The following DOCK1 variants were observed in gnomAD, a reference collection of about 807,000 sequenced individuals.
The protein encoded by DOCK1 is dedicator of cytokinesis protein 1.
Under a neutral mutation model 262.7 loss-of-function variants are expected in DOCK1, and 138 were observed. That is an observed-to-expected ratio of 0.53 (90% CI 0.46 to 0.61). The LOEUF is 0.61. Ranked by LOEUF, DOCK1 falls within the 20% of genes least tolerant of loss-of-function variation. The pLI is 0.00. For missense variants in DOCK1, 1,908 were observed against 2,370.7 expected, an observed-to-expected ratio of 0.80 and a Z score of 4.05; for synonymous variants, 866 against 867.4, an observed-to-expected ratio of 1.00 and a Z score of 0.03.
chr10:126,927,224 C>T (rs1051272014), intron 1 of DOCK1, among the ~76,000 whole-genome samples: 2 of 152,118 alleles, frequency 1.3e-5, no homozygotes, highest in African/African-American at 4.8e-5. Flanking sequence ...AGCAGATTTC[C>T]GTCTCTGATC....
At chr10:127,412,672 A>G (rs2067929796) in intron 43 of DOCK1, among the ~76,000 whole-genome samples, 1 of 152,310 alleles carries the variant, frequency 6.6e-6, no homozygotes, top group Non-Finnish European at 1.5e-5. Context: ...CCTCAAGTAA[A>G]GAGTGGTGGC....
intron 10 of DOCK1, among the ~76,000 whole-genome samples, chr10:127,008,447 T>C (rs916979465): frequency 6.6e-6 from 1 of 152,338 alleles, no homozygotes; most frequent in Admixed American, 6.5e-5. Context: ...TTTTCCATCA[T>C]TACAGAAAGT....
At chr10:127,447,346 G>A (rs1444387885) in intron 50 of DOCK1, 48 bp from the exon 51 acceptor site, 2 of 1,582,336 alleles carry the variant, frequency 1.3e-6, no homozygotes, top group South Asian at 1.2e-5. Flanking sequence ...GAGCATTCAG[G>A]CTCCGTGGGG....
At chr10:127,054,442 CTT>C (rs896201847) in intron 22 of DOCK1, among the ~76,000 whole-genome samples, 24 of 152,282 alleles carry the variant, frequency 1.6e-4, no homozygotes, top group African/African-American at 5.1e-4. Context: ...ATATTACACT[CTT>C]TTATTTTGCT....
At chr10:127,096,790 C>T (rs2047934521) in intron 23 of DOCK1, among the ~76,000 whole-genome samples, 1 of 151,904 alleles carries the variant, frequency 6.6e-6, no homozygotes, top group African/African-American at 2.4e-5. Context: ...GGGACAATTA[C>T]ATTTGCTTAG....
intron 2 of DOCK1, among the ~76,000 whole-genome samples, chr10:126,974,040 C>G (rs2038317391): frequency 6.6e-6 from 1 of 152,118 alleles, no homozygotes; most frequent in Admixed American, 6.6e-5. Flanking sequence ...CAGCATAGAA[C>G]AAAGAAAATG....
At chr10:127,322,216 G>A (rs1228214404) in intron 29 of DOCK1, among the ~76,000 whole-genome samples, 1 of 146,352 alleles carries the variant, frequency 6.8e-6, no homozygotes, top group Non-Finnish European at 1.5e-5. Context: ...TGGAGACAGA[G>A]TCTTACTCTG....
At chr10:127,186,029 A>G (rs1272162936) in intron 27 of DOCK1, among the ~76,000 whole-genome samples, 1 of 152,214 alleles carries the variant, frequency 6.6e-6, no homozygotes, top group African/African-American at 2.4e-5. Flanking sequence ...AAAAATCTCA[A>G]TAGCTTGGAA....
intron 29 of DOCK1, among the ~76,000 whole-genome samples, chr10:127,299,478 T>C (rs919549225): frequency 6.6e-6 from 1 of 152,200 alleles, no homozygotes; most frequent in Non-Finnish European, 1.5e-5. Flanking sequence ...GGAAAAATGC[T>C]GTGTGACCGT....
intron 44 of DOCK1, among the ~76,000 whole-genome samples, chr10:127,416,939 TC>T (rs1270026798): frequency 1.1e-4 from 17 of 151,990 alleles, no homozygotes; most frequent in African/African-American, 3.9e-4. Context: ...CATCACAATC[TC>T]CCCAAGGCTG....
At chr10:127,216,545 G>T (rs1237029754) in intron 27 of DOCK1, among the ~76,000 whole-genome samples, 1 of 152,068 alleles carries the variant, frequency 6.6e-6, no homozygotes, top group African/African-American at 2.4e-5. Flanking sequence ...ATTGGGCTGG[G>T]CAACCTCACC....
chr10:127,370,639 C>A (rs1255131502), intron 33 of DOCK1, among the ~76,000 whole-genome samples: 1 of 152,182 alleles, frequency 6.6e-6, no homozygotes, highest in Non-Finnish European at 1.5e-5. Flanking sequence ...AAATAGGTGC[C>A]AATAGCCTAT....
chr10:126,953,939 A>C (rs1458609331), intron 1 of DOCK1, among the ~76,000 whole-genome samples: 3 of 152,174 alleles, frequency 2.0e-5, no homozygotes, highest in Admixed American at 6.5e-5. Context: ...TGCTCGGTAC[A>C]TTTTTAAAAC....
At chr10:127,441,514 G>A (rs529535887) in intron 49 of DOCK1, among the ~76,000 whole-genome samples, 4 of 152,220 alleles carry the variant, frequency 2.6e-5, no homozygotes, top group Non-Finnish European at 4.4e-5. Context: ...TGTCTACGCA[G>A]AGGGCACCTC....
intron 27 of DOCK1, among the ~76,000 whole-genome samples, chr10:127,203,827 A>G (rs980009993): frequency 4.6e-5 from 7 of 152,084 alleles, no homozygotes; most frequent in Non-Finnish European, 4.4e-5. Context: ...GGGTTCTCAT[A>G]TATTAGTCCA....
intron 27 of DOCK1, among the ~76,000 whole-genome samples, chr10:127,246,641 TATC>T (rs1313651283): frequency 3.3e-5 from 5 of 152,260 alleles, no homozygotes; most frequent in African/African-American, 1.2e-4. Flanking sequence ...AAATGGAAGA[TATC>T]ATATCATCAT....
In DOCK1 at chr10:127,175,511, G is replaced by A. The variant is rs200373232; in HGVS notation, c.2847+47747G>A. The stretch of plus-strand genomic sequence containing the variant: ...CAGTTTCCGAGGGCGCCTGGAGCCC[G>A]TTGAGATGTGTGGCTCTCCTCCGCT... On this transcript the variant is annotated intron_variant, in intron 27 of 51. Coordinates refer to ENST00000623213, the MANE Select transcript of DOCK1 (RefSeq NM_001290223.2). The surrounding 1 kb of genome is among the most constrained non-coding windows in gnomAD (Gnocchi z 6.3). 1.1e-5 allele frequency: 17 copies of A among 1,609,026 alleles called. No individual in the cohort carries two copies. The highest frequency in any genetic ancestry group is 4.4e-5 in the South Asian group (4 of 91,080).
intron 10 of DOCK1, chr10:127,007,465 A>C (rs2135253732): frequency 1.3e-5 from 2 of 152,358 alleles, no homozygotes; most frequent in African/African-American, 4.8e-5. Flanking sequence ...TCTTGTGCGA[A>C]GAAAATAAAC....
chr10:127,304,334 C>T (rs764661177), intron 29 of DOCK1, among the ~76,000 whole-genome samples: 9 of 152,170 alleles, frequency 5.9e-5, no homozygotes, highest in Non-Finnish European at 5.9e-5. Context: ...TGGCCTTCCA[C>T]GCACTTCAGA....
Sources: allele counts gnomAD v4.1 joint callset (sites outside exome capture counted in the v4.1 genomes callset), GRCh38; gene constraint gnomAD v4.1.1; non-coding constraint Gnocchi (gnomAD v3.1); transcripts MANE v1.5; gene names NCBI Gene and HGNC (gene_info 2026-07-23, HGNC 2026-07-21).